NAGA: variants seen among roughly 807,000 people sequenced by gnomAD.
NAGA encodes the protein Acetylgalactosaminidase, alpha-N- (alpha-galactosidase B).
A neutral mutation model predicts 45.6 loss-of-function variants in NAGA; 42 were observed. That is an observed-to-expected ratio of 0.92 (90% confidence interval 0.72 to 1.19). The LOEUF (loss-of-function observed/expected upper bound fraction) is 1.19. Ranked by LOEUF, NAGA falls within the 50% of genes most tolerant of loss-of-function variation. The pLI, the probability that NAGA is intolerant of heterozygous loss-of-function variation, is 0.00. For synonymous variants in NAGA, 176 were observed against 203.1 expected, an observed-to-expected ratio of 0.87 and a Z score of 1.13; for missense variants, 493 against 544.8, an observed-to-expected ratio of 0.90 and a Z score of 0.95.
intron 5 of NAGA, among the ~76,000 whole-genome samples, 187 bp from the exon 6 acceptor site, chr22:42,066,086 G>T (rs567050781): frequency 7.2e-5 from 11 of 152,152 alleles, no homozygotes; most frequent in African/African-American, 2.4e-4. Context: ...GGCTACCGGG[G>T]TCTCCCTTCT....
chr22:42,066,992 C>A (rs1268989857), intron 4 of NAGA, 121 bp downstream of exon 4: 5 of 1,503,736 alleles, frequency 3.3e-6, no homozygotes, highest in Non-Finnish European at 4.6e-6. Context: ...AGCCTGGGAG[C>A]CACAATCCCC....
chr22:42,067,395 C>A, intron 3 of NAGA, 105 bp from the exon 4 acceptor site: 3 of 1,404,668 alleles, frequency 2.1e-6, no homozygotes, highest in African/African-American at 1.4e-5. Context: ...TCCCACGGAC[C>A]AAAGGAGATG....
chr22:42,063,086 A>G (rs1018629927), intron 6 of NAGA, 62 bp from the exon 7 acceptor site: 15 of 1,522,034 alleles, frequency 9.9e-6, no homozygotes, highest in Non-Finnish European at 1.1e-5. Flanking sequence ...CACAGGGACC[A>G]TCCCCAAACT....
intron 8 of NAGA, 107 bp downstream of exon 8, chr22:42,060,817 T>A (rs1421360223): frequency 6.6e-7 from 1 of 1,519,636 alleles, no homozygotes; most frequent in Non-Finnish European, 9.1e-7. Context: ...CCAGAGGCCC[T>A]AAGCCCACGG....
rs773407787 is a variant in NAGA at position 42,060,959 on chromosome 22, C to T, written c.1066G>A (p.Gly356Ser). The T allele has an allele frequency of 7.4e-6, 12 of 1,614,074 alleles. No homozygotes were observed. The highest frequency in any genetic ancestry group is 2.7e-5 in the African/African-American group (2 of 74,934). ...DMPYRYHSSL[G>S]QLNFTGSVIY... ...ACAGACCCGGTGAAGTTCAGCTGGCCAAGGGAGGAGTGGTAGCGATAAGGC... is the reference window on the plus strand; with the variant it reads ...ACAGACCCGGTGAAGTTCAGCTGGCTAAGGGAGGAGTGGTAGCGATAAGGC... Residue 356 changes from glycine (G) to serine (S), a missense_variant, in exon 8 of 9, where the codon GGC becomes AGC. Coordinates refer to ENST00000396398, the MANE Select transcript of NAGA (RefSeq NM_000262.3).
intron 1 of NAGA, among the ~76,000 whole-genome samples, 179 bp downstream of exon 1, chr22:42,070,103 G>GC (rs1021557570): frequency 7.9e-5 from 12 of 152,354 alleles, no homozygotes; most frequent in African/African-American, 2.6e-4. Context: ...GAAAGGAAGG[G>GC]CCCCTTTGAA....
intron 3 of NAGA, 27 bp downstream of exon 3, chr22:42,067,738 C>T (rs1412527327): frequency 1.9e-6 from 3 of 1,605,638 alleles, no homozygotes; most frequent in Admixed American, 3.3e-5. Context: ...GCCCTGAGGC[C>T]AAGGGCAGGG....
intron 6 of NAGA, among the ~76,000 whole-genome samples, chr22:42,063,654 C>T (rs1368081927): frequency 6.6e-6 from 1 of 152,250 alleles, no homozygotes; most frequent in African/African-American, 2.4e-5. Flanking sequence ...ACGACCCTTT[C>T]ACATGGACCC....
At chr22:42,062,562 A>G (rs911051298) in intron 7 of NAGA, among the ~76,000 whole-genome samples, 1 of 152,192 alleles carries the variant, frequency 6.6e-6, no homozygotes, top group East Asian at 1.9e-4. Context: ...CACCCTTGCT[A>G]TGTGCACTTA....
At chr22:42,060,447 T>G in intron 8 of NAGA, 34 bp from the exon 9 acceptor site, 1 of 1,611,018 alleles carries the variant, frequency 6.2e-7, no homozygotes, top group Admixed American at 1.7e-5. Context: ...AATGCCACCA[T>G]GAGAGTGGCG....
intron 1 of NAGA, among the ~76,000 whole-genome samples, chr22:42,069,942 C>A (rs1602499311): frequency 6.6e-6 from 1 of 152,218 alleles, no homozygotes; most frequent in African/African-American, 2.4e-5. Context: ...AGGATGGGCA[C>A]CCAATCAGCT....
rs1926283178 is a variant in NAGA at position 42,060,254 on chromosome 22, ACAG to A, written c.*22_*24del. ...ATGGTCTAGGCTCAGTGGTGCCACC[ACAG>A]CCTGTCACATGTCCCAGCTCCTCAC... On this transcript the variant is annotated 3_prime_UTR_variant, in exon 9 of 9. Transcript: ENST00000396398. 6.2e-7 allele frequency: 1 copy of A among 1,612,268 alleles called. No homozygotes were observed. The highest frequency in any genetic ancestry group is 1.7e-5 in the Admixed American group (1 of 60,008).
chr22:42,067,799 C>T lies in NAGA; in HGVS notation c.290G>A (p.Arg97His), dbSNP rs367803688. 4.3e-6 allele frequency: 7 copies of T among 1,612,620 alleles called. No homozygotes were observed. The highest frequency in any genetic ancestry group is 1.3e-5 in the African/African-American group (1 of 74,926). ...ASGRLMPDPK[R>H]FPHGIPFLAD... ...CAGGAAAGGAATGCCATGAGGGAAG[C>T]GCTTGGGATCCGGCATCAGGCGGCC... is the stretch of plus-strand genomic sequence containing the variant. Residue 97 changes from arginine (R) to histidine (H), a missense_variant, in exon 3 of 9, where the codon CGC becomes CAC. Coordinates refer to ENST00000396398, the MANE Select transcript of NAGA (RefSeq NM_000262.3).
intron 6 of NAGA, among the ~76,000 whole-genome samples, chr22:42,063,947 G>T (rs1250540486): frequency 6.6e-6 from 1 of 152,182 alleles, no homozygotes; most frequent in Non-Finnish European, 1.5e-5. Flanking sequence ...CCAGCTACTT[G>T]TTCAAGCACG....
At position 42,067,748 on chromosome 22, in the gene NAGA, G is replaced by A. The variant is rs780342742; in HGVS notation, c.324+17C>T. ...GTCTAGCCCTGAGGCCAAGGGCAGG[G>A]CTGGGGTGCGGCTCACGTAGTCAGC... On this transcript the variant is annotated intron_variant, in intron 3 of 8. Coordinates refer to ENST00000396398, the MANE Select transcript of NAGA (RefSeq NM_000262.3). 2.5e-6 allele frequency: 4 copies of A among 1,610,236 alleles called. No homozygotes were observed. In the East Asian group the frequency reaches 6.7e-5, roughly 27 times the overall value.
At position 42,067,858 on chromosome 22, in the gene NAGA, A is replaced by G; in HGVS notation, c.231T>C (p.Ile77=). Residue 77 remains isoleucine (I), a synonymous_variant, in exon 3 of 9, where the codon ATT becomes ATC. Transcript: ENST00000396398. ...WRDMGYTYLN[I]DDCWIGGRDA... Reference sequence around the variant, plus strand: ...CGCGACCACCGATCCAGCAGTCATCAATGTTGAGGTATGTGTAGCCCATGT... The same window carrying G: ...CGCGACCACCGATCCAGCAGTCATCGATGTTGAGGTATGTGTAGCCCATGT... 6.2e-7 allele frequency: 1 copy of G among 1,613,540 alleles called. No individual in the cohort carries two copies. The highest frequency in any genetic ancestry group is 8.5e-7 in the Non-Finnish European group (1 of 1,179,980).
chr22:42,063,614 GTCACGTT>G (rs1926537263), intron 6 of NAGA, among the ~76,000 whole-genome samples: 1 of 152,220 alleles, frequency 6.6e-6, no homozygotes, highest in Admixed American at 6.5e-5. Context: ...GTAGCCTCCA[GTCACGTT>G]TCCCACGCTT....
At position 42,067,269 on chromosome 22, in the gene NAGA, A is replaced by G. The variant is rs1926796725; in HGVS notation, c.346T>C (p.Leu116=). ...ADYVHSLGLK[L]GIYADMGNFT... is the part of the protein sequence containing the mutation. ...TTGCCCATGTCCGCGTAGATACCCA[A>G]CTTCAGGCCCAGGGAGTGAACCTGT... The change falls in exon 4 of 9, where the codon TTG becomes CTG. Residue 116 remains leucine, a synonymous_variant. Coordinates refer to ENST00000396398, the MANE Select transcript of NAGA (RefSeq NM_000262.3). 6.2e-7 allele frequency: 1 copy of G among 1,614,008 alleles called. No homozygotes were observed. The highest frequency in any genetic ancestry group is 1.1e-5 in the South Asian group (1 of 91,066).
Position 42,070,621 on chromosome 22 carries a change from A to G in NAGA, c.-324T>C, listed in dbSNP as rs1267557835. The stretch of plus-strand genomic sequence containing the variant: ...GCCTTCGGCCCCGCCCGGGCTCAGA[A>G]AAAGGCAGCCACTGGCTTAAGGTCA... On this transcript the variant is annotated 5_prime_UTR_variant, in exon 1 of 9. Transcript: ENST00000396398. The G allele has an allele frequency of 8.0e-6, 4 of 501,918 alleles. No homozygotes were observed. The highest frequency in any genetic ancestry group is 1.5e-5 in the Non-Finnish European group (4 of 275,396). 31.1% of individuals were successfully genotyped at this position (501,918 alleles called of 1,614,324 possible).
Sources: gnomAD v4.1 joint callset for allele counts (sites outside exome capture counted in the v4.1 genomes callset) on GRCh38, gnomAD v4.1.1 for gene constraint, MANE v1.5 for transcripts, NCBI Gene and HGNC (gene_info 2026-07-23, HGNC 2026-07-21) for gene names.